OR1B1: variants seen among roughly 807,000 people sequenced by gnomAD.
OR1B1 encodes olfactory receptor family 1 subfamily B member 1, also known as olfactory receptor 1B1.
For missense variants in OR1B1, 414 were observed against 402.1 expected (o/e 1.03, Z -0.25); for synonymous variants, 168 against 156.2 (o/e 1.08, Z -0.57).
chr9:122,631,983 AT>A (rs1564220281), upstream of OR1B1, among the ~76,000 whole-genome samples: 1 of 152,214 alleles, frequency 6.6e-6, no homozygotes, highest in Non-Finnish European at 1.5e-5. Context: ...AAAATAAAAA[AT>A]CAACATAAAA....
chr9:122,630,756 G>A (rs1830195870), upstream of OR1B1, among the ~76,000 whole-genome samples: 1 of 152,090 alleles, frequency 6.6e-6, no homozygotes, highest in Admixed American at 6.6e-5. Flanking sequence ...CACCCAGGCT[G>A]AAGTGCAGTG....
At chr9:122,646,561 C>T in the OR1B1 span, among the ~76,000 whole-genome samples, 2 of 150,834 alleles carry the variant, frequency 1.3e-5, no homozygotes, top group Non-Finnish European at 3.0e-5. Context: ...GCTGTACTTA[C>T]ATCAGACAAA....
chr9:122,629,457 T>G (rs763945859), exon 1 of OR1B1: 3 of 1,611,692 alleles, frequency 1.9e-6, no homozygotes, highest in African/African-American at 1.3e-5. Context: ...AAGAGGAGAG[T>G]GTAGGAGATG....
chr9:122,644,102 T>A, the OR1B1 span, among the ~76,000 whole-genome samples: 1 of 152,200 alleles, frequency 6.6e-6, no homozygotes, highest in Non-Finnish European at 1.5e-5. Flanking sequence ...GGACTTTGTC[T>A]TGCACTCTAG....
the OR1B1 span, among the ~76,000 whole-genome samples, chr9:122,654,984 A>AG: frequency 2.6e-5 from 4 of 152,202 alleles, no homozygotes; most frequent in East Asian, 7.7e-4. Context: ...TGGATTTGTT[A>AG]ATTAGCCTGA....
chr9:122,653,945 T>G, the OR1B1 span, among the ~76,000 whole-genome samples: 1 of 152,206 alleles, frequency 6.6e-6, no homozygotes, highest in African/African-American at 2.4e-5. Context: ...TATTAAATAC[T>G]TATTTTCTCC....
chr9:122,647,175 G>C, the OR1B1 span, among the ~76,000 whole-genome samples: 1 of 152,040 alleles, frequency 6.6e-6, no homozygotes, highest in Non-Finnish European at 1.5e-5. Context: ...TCATTCTCAA[G>C]GGTAGACCAT....
At chr9:122,647,591 T>C in the OR1B1 span, among the ~76,000 whole-genome samples, 1 of 152,080 alleles carries the variant, frequency 6.6e-6, no homozygotes, top group African/African-American at 2.4e-5. Flanking sequence ...AAGAAAATAA[T>C]ACAAAAGATC....
At chr9:122,638,668 T>C in the OR1B1 span, among the ~76,000 whole-genome samples, 72 of 152,182 alleles carry the variant, frequency 4.7e-4, no homozygotes, top group Admixed American at 4.6e-3. Flanking sequence ...TACTTGTGAA[T>C]TATAATCATC....
chr9:122,653,761 T>C, the OR1B1 span, among the ~76,000 whole-genome samples: 7 of 152,160 alleles, frequency 4.6e-5, no homozygotes, highest in Non-Finnish European at 7.4e-5. Context: ...AGAGGGGTTT[T>C]AAGTGGTAAG....
downstream of OR1B1, among the ~76,000 whole-genome samples, chr9:122,628,267 C>T (rs984364081): frequency 2.0e-5 from 3 of 152,176 alleles, no homozygotes; most frequent in Non-Finnish European, 2.9e-5. Flanking sequence ...TTTCACAATC[C>T]TATCCTCATA....
chr9:122,649,331 C>T, the OR1B1 span, among the ~76,000 whole-genome samples: 1 of 152,176 alleles, frequency 6.6e-6, no homozygotes, highest in Non-Finnish European at 1.5e-5. Flanking sequence ...CCATTCAGGA[C>T]ATAGGCATGG....
chr9:122,655,223 G>GA, the OR1B1 span, among the ~76,000 whole-genome samples: 1 of 152,106 alleles, frequency 6.6e-6, no homozygotes, highest in Middle Eastern at 3.4e-3. Flanking sequence ...AAAGAGGAAG[G>GA]AAAAAAGGAA....
the OR1B1 span, among the ~76,000 whole-genome samples, chr9:122,653,875 T>C: frequency 6.6e-6 from 1 of 152,238 alleles, no homozygotes; most frequent in Non-Finnish European, 1.5e-5. Context: ...AGACAATTCA[T>C]GCATTTATGC....
the OR1B1 span, among the ~76,000 whole-genome samples, chr9:122,646,397 AAGTGGCTG>A: frequency 6.6e-6 from 1 of 152,102 alleles, no homozygotes; most frequent in Non-Finnish European, 1.5e-5. Context: ...AAAAGACATA[AAGTGGCTG>A]AATGGATGAA....
chr9:122,629,068 C>T (rs1242861405), exon 1 of OR1B1: 3 of 1,613,732 alleles, frequency 1.9e-6, no homozygotes, highest in Admixed American at 1.7e-5. Flanking sequence ...ACATGGTGTG[C>T]AGTATGGACA....
At chr9:122,638,879 A>C in the OR1B1 span, among the ~76,000 whole-genome samples, 1 of 152,186 alleles carries the variant, frequency 6.6e-6, no homozygotes, top group Non-Finnish European at 1.5e-5. Context: ...CCGGAATAGA[A>C]GGGAGAAATC....
At chr9:122,636,324 A>T in the OR1B1 span, among the ~76,000 whole-genome samples, 461 of 152,350 alleles carry the variant, frequency 3.0e-3, no homozygotes, top group African/African-American at 0.011. Flanking sequence ...ATACATACAC[A>T]TATATACTGG....
upstream of OR1B1, among the ~76,000 whole-genome samples, chr9:122,631,547 G>A (rs1830203422): frequency 1.3e-5 from 2 of 152,210 alleles, no homozygotes; most frequent in South Asian, 4.1e-4. Context: ...TGTAATCAAA[G>A]AGGAATATGA....
Sources: gnomAD v4.1 joint callset for allele counts (sites outside exome capture counted in the v4.1 genomes callset) on GRCh38, gnomAD v4.1.1 for gene constraint, MANE v1.5 for transcripts, NCBI Gene and HGNC (gene_info 2026-07-23, HGNC 2026-07-21) for gene names.